The following SGPL1 variants were observed in gnomAD, a reference collection of about 807,000 sequenced individuals.
SGPL1 encodes sphingosine-1-phosphate lyase 1, also known as SP-lyase 1.
A neutral mutation model predicts 68.9 loss-of-function variants in SGPL1; 37 were observed. That is an observed-to-expected ratio of 0.54 (90% confidence interval 0.41 to 0.71). The LOEUF is 0.71. Ranked by LOEUF, SGPL1 falls within the 30% of genes least tolerant of loss-of-function variation. The pLI, the probability that SGPL1 is intolerant of heterozygous loss-of-function variation, is 0.00. For missense variants in SGPL1, 551 were observed against 704.6 expected, an observed-to-expected ratio of 0.78 and a Z score of 2.47; for synonymous variants, 236 against 248.5, an observed-to-expected ratio of 0.95 and a Z score of 0.47.
At chr10:70,829,604 AT>A (rs1845498215) in intron 2 of SGPL1, among the ~76,000 whole-genome samples, 1 of 152,028 alleles carries the variant, frequency 6.6e-6, no homozygotes, top group East Asian at 1.9e-4. Flanking sequence ...GTTTTGTTGA[AT>A]TATCCCAATG....
At chr10:70,876,140 C>A (rs772060255) in intron 13 of SGPL1, among the ~76,000 whole-genome samples, 1 of 152,158 alleles carries the variant, frequency 6.6e-6, no homozygotes, top group Non-Finnish European at 1.5e-5. Context: ...GGTAGAATTT[C>A]TTCTGTGCCC....
chr10:70,878,765 A>G lies in SGPL1; in HGVS notation c.*1430A>G, dbSNP rs1044278238. On this transcript the variant is annotated 3_prime_UTR_variant, in exon 15 of 15. Transcript: ENST00000373202. The stretch of plus-strand genomic sequence containing the variant: ...GTGTTCTTCTGCCTCTTCCCCCTTG[A>G]TTCAGCTTTCAGAGGTACTATGGCA... 1.3e-5 allele frequency: 2 copies of G among 152,216 alleles called. No individual in the cohort carries two copies. Among genetic ancestry groups the G allele is most frequent in the Admixed American group, 1.3e-4 (2 of 15,280 alleles). 9.4% of individuals were successfully genotyped at this position (152,216 alleles called of 1,614,324 possible). A position where few individuals can be genotyped will look rare whatever the true frequency, so the allele number is the denominator to read the frequency against.
intron 1 of SGPL1, 113 bp from the exon 2 acceptor site, chr10:70,816,698 C>T: frequency 1.3e-6 from 1 of 766,626 alleles, no homozygotes; most frequent in Non-Finnish European, 2.4e-6. Context: ...GGAATGAAAT[C>T]TGAGCCTTCA....
At chr10:70,851,285 A>T in intron 4 of SGPL1, 75 bp downstream of exon 4, 1 of 1,260,730 alleles carries the variant, frequency 7.9e-7, no homozygotes. Flanking sequence ...ACTAAACCTA[A>T]TATTCTCAAA....
chr10:70,819,509 G>A (rs957090144), intron 2 of SGPL1, among the ~76,000 whole-genome samples: 2 of 151,918 alleles, frequency 1.3e-5, no homozygotes, highest in African/African-American at 4.8e-5. Flanking sequence ...TATATGATAT[G>A]TAAAACATGT....
At chr10:70,863,378 A>C (rs768905653) in intron 7 of SGPL1, among the ~76,000 whole-genome samples, 33 of 150,608 alleles carry the variant, frequency 2.2e-4, no homozygotes, top group Non-Finnish European at 3.7e-4. Flanking sequence ...AATATATTAC[A>C]CATAAATATG....
intron 6 of SGPL1, 29 bp downstream of exon 6, chr10:70,857,719 G>A: frequency 6.6e-7 from 1 of 1,505,776 alleles, no homozygotes; most frequent in Non-Finnish European, 9.1e-7. Flanking sequence ...AGGGAAGCCT[G>A]TGAGGTCTGT....
rs959563002 is a variant in SGPL1, at chr10:70,880,023, ACCT to A, written c.*2691_*2693del. On this transcript the variant is annotated 3_prime_UTR_variant, in exon 15 of 15. Coordinates refer to ENST00000373202, the MANE Select transcript of SGPL1 (RefSeq NM_003901.4). ...TTCTTTTAAATCTCTGTCTTCTCTAACCTCCCCCTTCCCATTTCAATGCTCCCT... is the reference window on the plus strand; with the variant it reads ...TTCTTTTAAATCTCTGTCTTCTCTAACCCCCTTCCCATTTCAATGCTCCCT... 4.6e-5 allele frequency: 7 copies of A among 152,548 alleles called. No homozygotes were observed. The highest frequency in any genetic ancestry group is 1.7e-4 in the African/African-American group (7 of 41,400). The allele number at this position is 152,548 out of a possible 1,614,324, so 9.4% of individuals were successfully genotyped here. A position where few individuals can be genotyped will look rare whatever the true frequency, so the allele number is the denominator to read the frequency against.
rs1056071392 is a variant in SGPL1, at chr10:70,851,341, C to T, written c.261+131C>T. The stretch of plus-strand genomic sequence containing the variant: ...CTTACCTCCAGGGGACACTTGGCAG[C>T]ATTTGGAGACATTTTTGGTGGTCAC... On this transcript the variant is annotated intron_variant, in intron 4 of 14. Transcript: ENST00000373202. 2.3e-5 allele frequency: 17 copies of T among 729,388 alleles called. No individual in the cohort carries two copies. In the African/African-American group the frequency reaches 2.5e-4, roughly 11 times the overall value. The allele number at this position is 729,388 out of a possible 1,614,324, so 45.2% of individuals were successfully genotyped here.
At chr10:70,832,810 T>A (rs1845566641) in intron 2 of SGPL1, among the ~76,000 whole-genome samples, 1 of 152,226 alleles carries the variant, frequency 6.6e-6, no homozygotes, top group Non-Finnish European at 1.5e-5. Context: ...GCTGGGAGTC[T>A]ATTTTCCTAC....
chr10:70,872,042 A>C, intron 11 of SGPL1, 56 bp downstream of exon 11: 1 of 1,541,940 alleles, frequency 6.5e-7, no homozygotes, highest in South Asian at 1.2e-5. Context: ...TATTATTGAT[A>C]AAATAAATTG....
rs76123877 is a variant in SGPL1 at position 70,833,933 on chromosome 10, T to A, written c.28-10540T>A. 4.1e-3 allele frequency among the ~76,000 whole-genome samples: 625 copies of A among 152,302 alleles called. 2 individuals carry two copies. The highest frequency in any genetic ancestry group is 0.014 in the African/African-American group (600 of 41,562). ...TGGGGTAGAAGATTTTGATTTTTAT[T>A]AGTATCTGGCCAAAGAATAAATATT... On this transcript the variant is annotated intron_variant, in intron 2 of 14. Transcript: ENST00000373202.
chr10:70,857,709 A>AGG lies in SGPL1; in HGVS notation c.486+21_486+22dup. ...TGTGAAGGTGAGTGTCCAGTTCTTG[A>AGG]GGGAAGCCTGTGAGGTCTGTGCCAG... is the stretch of plus-strand genomic sequence containing the variant. On this transcript the variant is annotated intron_variant, in intron 6 of 14. Transcript: ENST00000373202. 1 of 1,579,806 alleles carries AGG rather than the reference A, an allele frequency of 6.3e-7. No individual in the cohort carries two copies. Among genetic ancestry groups the AGG allele is most frequent in the South Asian group, 1.1e-5 (1 of 87,856 alleles).
chr10:70,833,883 A>T (rs1341922518), intron 2 of SGPL1, among the ~76,000 whole-genome samples: 2 of 152,198 alleles, frequency 1.3e-5, no homozygotes, highest in South Asian at 4.1e-4. Context: ...AACAAATAAC[A>T]AATTCTGTCT....
intron 4 of SGPL1, among the ~76,000 whole-genome samples, chr10:70,852,418 A>T (rs1270862858): frequency 1.3e-5 from 2 of 152,222 alleles, no homozygotes; most frequent in African/African-American, 4.8e-5. Flanking sequence ...CCCTAAAAGT[A>T]AATCTAGTCC....
intron 2 of SGPL1, among the ~76,000 whole-genome samples, chr10:70,835,745 AAAAAAAAAGAAATGCC>A (rs1037495320): frequency 6.6e-6 from 1 of 151,882 alleles, no homozygotes; most frequent in Non-Finnish European, 1.5e-5. Flanking sequence ...CAAAAAAAAA[AAAAAAAAAGAAATGCC>A]AAGAAGACAT....
chr10:70,823,563 GA>G (rs139852875), intron 2 of SGPL1, among the ~76,000 whole-genome samples: 61,175 of 83,436 alleles, frequency 0.73, 21,240 homozygotes, highest in East Asian at 0.89. Context: ...ACTTTATATT[GA>G]AAAAAAAAAA....
At chr10:70,822,454 A>G (rs1845354683) in intron 2 of SGPL1, among the ~76,000 whole-genome samples, 1 of 152,206 alleles carries the variant, frequency 6.6e-6, no homozygotes, top group Non-Finnish European at 1.5e-5. Context: ...ACCCAATCTA[A>G]TATTATATAC....
chr10:70,866,405 A>G (rs1476247005), intron 7 of SGPL1: 2 of 152,164 alleles, frequency 1.3e-5, no homozygotes, highest in African/African-American at 4.8e-5. Context: ...ACAAAAAAGA[A>G]AAAAGTAGAA....
Sources: allele counts gnomAD v4.1 joint callset (sites outside exome capture counted in the v4.1 genomes callset), GRCh38; gene constraint gnomAD v4.1.1; transcripts MANE v1.5; gene names NCBI Gene and HGNC (gene_info 2026-07-23, HGNC 2026-07-21).